The following SNTG1 variants were observed in gnomAD, a reference collection of about 807,000 sequenced individuals.
SNTG1 encodes the protein gamma-1-syntrophin.
Under a neutral mutation model 74.7 loss-of-function variants are expected in SNTG1, and 39 were observed. That is an observed-to-expected ratio of 0.52 (90% CI 0.40 to 0.68). SNTG1 has a LOEUF of 0.68. Among genes scored for constraint, SNTG1 ranks in the 30% least tolerant of loss-of-function variants. SNTG1 has a pLI of 0.00. For synonymous variants in SNTG1, 254 were observed against 217.1 expected, an observed-to-expected ratio of 1.17 and a Z score of -1.49; for missense variants, 685 against 609.5, an observed-to-expected ratio of 1.12 and a Z score of -1.30.
At chr8:50,150,111 C>A (rs1274263367) in intron 1 of SNTG1, among the ~76,000 whole-genome samples, 1 of 152,042 alleles carries the variant, frequency 6.6e-6, no homozygotes, top group Non-Finnish European at 1.5e-5. Flanking sequence ...TCCTTCACAT[C>A]CCTTGTAAGT....
chr8:50,516,380 C>T (rs957520144), intron 9 of SNTG1, among the ~76,000 whole-genome samples: 4 of 152,280 alleles, frequency 2.6e-5, no homozygotes, highest in Non-Finnish European at 2.9e-5. Flanking sequence ...AACCAGAACA[C>T]CACTTCTTCT....
At chr8:50,152,184 C>G (rs1162343794) in intron 1 of SNTG1, among the ~76,000 whole-genome samples, 3 of 152,088 alleles carry the variant, frequency 2.0e-5, no homozygotes, top group Non-Finnish European at 2.9e-5. Context: ...CTCTTTTGAT[C>G]TTTGTTGGTT....
rs894892272 is a variant in SNTG1 at position 49,958,855 on chromosome 8, G to T, written c.-103+46624G>T. On this transcript the variant is annotated intron_variant, in intron 1 of 18. Coordinates refer to ENST00000642720, the MANE Select transcript of SNTG1 (RefSeq NM_018967.5). The stretch of plus-strand genomic sequence containing the variant: ...TAGAAAGATAATTCTTATTATCAGA[G>T]AAATTTCTCCATTTGGGTCCCCAAA... 2.0e-5 allele frequency among the ~76,000 whole-genome samples: 3 copies of T among 152,312 alleles called. No homozygotes were observed. The Middle Eastern group carries it at 0.01, about 518-fold the overall frequency.
rs2095698825 is a variant in SNTG1, at chr8:50,794,103, A to C, written c.*1274A>C. ...TACAGCTTTTTTGAGATATTTTAAA[A>C]AGTCAGCTGTGTATGTAAAAAAAAA... On this transcript the variant is annotated 3_prime_UTR_variant, in exon 19 of 19. Coordinates refer to ENST00000642720, the MANE Select transcript of SNTG1 (RefSeq NM_018967.5). 1 of 151,756 alleles carries C rather than the reference A, an allele frequency of 6.6e-6. No homozygotes were observed. Among genetic ancestry groups the C allele is most frequent in the Non-Finnish European group, 1.5e-5 (1 of 67,838 alleles). The allele number at this position is 151,756 out of a possible 1,614,324, so 9.4% of individuals were successfully genotyped here.
Position 50,188,348 on chromosome 8 carries a change from G to T in SNTG1, c.-28+15713G>T, listed in dbSNP as rs1384017489. The stretch of plus-strand genomic sequence containing the variant: ...TGCTTCCAGGCAAAATGAACAACCA[G>T]GTGCACTCATCCACGTTCTGCCCAC... On this transcript the variant is annotated intron_variant, in intron 2 of 18. Transcript: ENST00000642720. 6.6e-5 allele frequency among the ~76,000 whole-genome samples: 10 copies of T among 152,162 alleles called. No individual in the cohort carries two copies. The East Asian group carries it at 1.9e-3, about 29-fold the overall frequency.
At chr8:50,090,754 A>T (rs761209065) in intron 1 of SNTG1, among the ~76,000 whole-genome samples, 6 of 152,132 alleles carry the variant, frequency 3.9e-5, no homozygotes, top group Non-Finnish European at 7.4e-5. Flanking sequence ...CAGACAATAC[A>T]ATCAGGAAGA....
intron 17 of SNTG1, among the ~76,000 whole-genome samples, chr8:50,724,019 G>T (rs962841001): frequency 2.0e-5 from 3 of 152,276 alleles, no homozygotes; most frequent in South Asian, 2.1e-4. Flanking sequence ...CATAAGGAGG[G>T]CAGGGTGAGG....
At chr8:50,633,653 C>T (rs1484375385) in intron 13 of SNTG1, among the ~76,000 whole-genome samples, 1 of 152,178 alleles carries the variant, frequency 6.6e-6, no homozygotes, top group Non-Finnish European at 1.5e-5. Flanking sequence ...GCACTAAAGT[C>T]TCTGTCTTTA....
intron 1 of SNTG1, among the ~76,000 whole-genome samples, chr8:49,986,736 C>T (rs898477217): frequency 7.4e-6 from 1 of 135,472 alleles, no homozygotes; most frequent in Non-Finnish European, 1.6e-5. Flanking sequence ...AAAAAAATAG[C>T]CAGGTGTTGT....
chr8:50,007,410 T>TACATATACA (rs1271245410), intron 1 of SNTG1, among the ~76,000 whole-genome samples: 3 of 152,132 alleles, frequency 2.0e-5, no homozygotes, highest in Non-Finnish European at 4.4e-5. Context: ...AGAGATAGTT[T>TACATATACA]TCACCATATT....
At chr8:50,719,270 C>A (rs1007599163) in intron 17 of SNTG1, among the ~76,000 whole-genome samples, 1 of 152,174 alleles carries the variant, frequency 6.6e-6, no homozygotes, top group Non-Finnish European at 1.5e-5. Context: ...GTGATTAAGT[C>A]ATGTGGCTCT....
intron 8 of SNTG1, among the ~76,000 whole-genome samples, chr8:50,495,108 AACT>A (rs1445159957): frequency 6.6e-6 from 1 of 152,108 alleles, no homozygotes; most frequent in Non-Finnish European, 1.5e-5. Context: ...TGAAATTTTA[AACT>A]ATTCATAGTT....
At chr8:50,644,645 A>G (rs564908333) in intron 13 of SNTG1, among the ~76,000 whole-genome samples, 9 of 152,298 alleles carry the variant, frequency 5.9e-5, no homozygotes, top group African/African-American at 2.2e-4. Flanking sequence ...AAAGTTATAC[A>G]TTAAATTTTA....
chr8:50,434,768 A>C (rs1009917307), intron 4 of SNTG1, among the ~76,000 whole-genome samples: 1 of 152,052 alleles, frequency 6.6e-6, no homozygotes, highest in Non-Finnish European at 1.5e-5. Context: ...TCCTTTTCCA[A>C]CTTCAGCTAC....
At chr8:50,564,444 G>A (rs1485946679) in intron 12 of SNTG1, among the ~76,000 whole-genome samples, 1 of 152,050 alleles carries the variant, frequency 6.6e-6, no homozygotes, top group Non-Finnish European at 1.5e-5. Flanking sequence ...GGTGGCAATA[G>A]TAAATAAAAT....
At chr8:50,570,263 T>TTTA (rs367865478) in intron 12 of SNTG1, among the ~76,000 whole-genome samples, 2 of 129,056 alleles carry the variant, frequency 1.5e-5, no homozygotes, top group Non-Finnish European at 3.3e-5. Flanking sequence ...TTTATTTTAT[T>TTTA]TTATTTTATT....
intron 1 of SNTG1, among the ~76,000 whole-genome samples, chr8:49,984,612 CTTGTA>C (rs1347381893): frequency 6.6e-6 from 1 of 152,034 alleles, no homozygotes; most frequent in South Asian, 2.1e-4. Flanking sequence ...GGTTCAATTA[CTTGTA>C]TTGTTTGTTG....
chr8:50,015,940 T>C lies in SNTG1; in HGVS notation c.-103+103709T>C, dbSNP rs1816268644. On this transcript the variant is annotated intron_variant, in intron 1 of 18. Coordinates refer to ENST00000642720, the MANE Select transcript of SNTG1 (RefSeq NM_018967.5). Reference sequence around the variant, plus strand: ...CTAATTCATTCAACTTTTGAAGCATTGGTTGTGCGACATGCAGTTGGGTGT... The same window carrying C: ...CTAATTCATTCAACTTTTGAAGCATCGGTTGTGCGACATGCAGTTGGGTGT... Among the ~76,000 whole-genome samples the C allele has an allele frequency of 2.0e-5, 3 of 152,094 alleles. No individual in the cohort carries two copies. The South Asian group carries it at 6.2e-4, about 31-fold the overall frequency.
At chr8:50,572,648 G>A (rs1301366322) in intron 12 of SNTG1, among the ~76,000 whole-genome samples, 2 of 152,136 alleles carry the variant, frequency 1.3e-5, no homozygotes, top group Non-Finnish European at 2.9e-5. Flanking sequence ...AATATGAGCT[G>A]AAATGTGAGC....
Sources: allele counts gnomAD v4.1 joint callset (sites outside exome capture counted in the v4.1 genomes callset), GRCh38; gene constraint gnomAD v4.1.1; transcripts MANE v1.5; gene names NCBI Gene and HGNC (gene_info 2026-07-23, HGNC 2026-07-21).